STAG1: variants seen among roughly 807,000 people sequenced by gnomAD.
STAG1 encodes cohesin subunit SA-1.
Under a neutral mutation model 170.9 loss-of-function variants are expected in STAG1, and 26 were observed. The ratio of observed to expected loss-of-function variants is 0.15; its 90% CI spans 0.11 to 0.21. STAG1 has a LOEUF of 0.21. Among genes scored for constraint, STAG1 ranks in the 10% least tolerant of loss-of-function variants. The pLI is 1.00. For missense variants in STAG1, 964 were observed against 1,509.5 expected, an observed-to-expected ratio of 0.64 and a Z score of 5.99; for synonymous variants, 514 against 497.7, an observed-to-expected ratio of 1.03 and a Z score of -0.44.
intron 1 of STAG1, among the ~76,000 whole-genome samples, chr3:136,655,983 T>C (rs1941358815): frequency 6.6e-6 from 1 of 152,132 alleles, no homozygotes; most frequent in Non-Finnish European, 1.5e-5. Context: ...CCCATGTTCA[T>C]AGTAACATTA....
intron 13 of STAG1, among the ~76,000 whole-genome samples, chr3:136,462,581 A>G (rs184396617): frequency 1.9e-4 from 29 of 152,330 alleles, no homozygotes; most frequent in African/African-American, 6.0e-4. Flanking sequence ...GTTAGAAGAA[A>G]TAAGTTTTAG....
At chr3:136,462,070 A>C (rs1000765966) in intron 13 of STAG1, among the ~76,000 whole-genome samples, 18 of 152,150 alleles carry the variant, frequency 1.2e-4, no homozygotes, top group Non-Finnish European at 4.4e-5. Context: ...GATGCAGAGA[A>C]AGGTGAATGC....
At chr3:136,707,357 CA>C (rs1212698693) in intron 1 of STAG1, among the ~76,000 whole-genome samples, 3 of 152,070 alleles carry the variant, frequency 2.0e-5, no homozygotes, top group African/African-American at 7.2e-5. Flanking sequence ...ACAAACAATC[CA>C]ATTTACAAAT....
Position 136,574,019 on chromosome 3 carries a change from G to C in STAG1, c.298-5158C>G, listed in dbSNP as rs182137871. Among the ~76,000 whole-genome samples, 406 of 152,040 alleles carry C rather than the reference G, an allele frequency of 2.7e-3. 2 individuals carry two copies. Among genetic ancestry groups the C allele is most frequent in the African/African-American group, 9.4e-3 (390 of 41,468 alleles). ...AGCACTCTGGGAGCCGAGGCAGGCG[G>C]ATCAACAGGGCAGGAGATCGAGACC... is the stretch of plus-strand genomic sequence containing the variant. On this transcript the variant is annotated intron_variant, in intron 4 of 33. Coordinates refer to ENST00000383202, the MANE Select transcript of STAG1 (RefSeq NM_005862.3).
At position 136,458,812 on chromosome 3, in the gene STAG1, C is replaced by T. The variant is rs75931696; in HGVS notation, c.1313+6069G>A. On this transcript the variant is annotated intron_variant, in intron 13 of 33. Transcript: ENST00000383202. ...CTTCATCTATAAAGACACACACAGA[C>T]TGAAAGTGAAGGTATGGAAAAAGAT... is the stretch of plus-strand genomic sequence containing the variant. Among the ~76,000 whole-genome samples the T allele has an allele frequency of 1.4e-4, 22 of 152,036 alleles. No homozygotes were observed. The East Asian group carries it at 4.2e-3, about 29-fold the overall frequency.
At chr3:136,685,586 A>G (rs1559950596) in intron 1 of STAG1, among the ~76,000 whole-genome samples, 1 of 152,258 alleles carries the variant, frequency 6.6e-6, no homozygotes, top group Non-Finnish European at 1.5e-5. Context: ...CGGTAGGTGA[A>G]TAGACAGATA....
intron 6 of STAG1, among the ~76,000 whole-genome samples, chr3:136,522,066 T>C (rs767990414): frequency 6.6e-6 from 1 of 152,172 alleles, no homozygotes; most frequent in Non-Finnish European, 1.5e-5. Context: ...TACAACCCAA[T>C]TGGTTAGAGG....
rs757393709 is a variant in STAG1, at chr3:136,568,813, C to T, written c.346G>A (p.Ala116Thr). 6 of 1,612,324 alleles carry T rather than the reference C, an allele frequency of 3.7e-6. No individual in the cohort carries two copies. The highest frequency in any genetic ancestry group is 5.1e-6 in the Non-Finnish European group (6 of 1,179,448). ...AAAAAGTTGATTAAATCCAGAAGTGCGATGTCCCTGTCTTGTTTATATGAT... is the reference window on the plus strand; with the variant it reads ...AAAAAGTTGATTAAATCCAGAAGTGTGATGTCCCTGTCTTGTTTATATGAT... ...IESYKQDRDI[A>T]LLDLINFFIQ... The change falls in exon 5 of 34, where the codon GCA becomes ACA. Residue 116 changes from alanine (A) to threonine (T), a missense_variant. Physicochemically the swap from Ala to Thr is moderately conservative, Grantham distance 58. Around this residue, in one of 11 missense-constraint regions of STAG1, gnomAD observed 33 missense variants for 86.0 expected, o/e 0.38. Coordinates refer to ENST00000383202, the MANE Select transcript of STAG1 (RefSeq NM_005862.3).
At chr3:136,590,239 C>T (rs1393743810) in intron 4 of STAG1, among the ~76,000 whole-genome samples, 1 of 152,026 alleles carries the variant, frequency 6.6e-6, no homozygotes, top group African/African-American at 2.4e-5. Context: ...AATCTCAGCA[C>T]TTTGGGAGGT....
chr3:136,573,631 TA>T (rs902268421), intron 4 of STAG1, among the ~76,000 whole-genome samples: 1 of 145,504 alleles, frequency 6.9e-6, no homozygotes, highest in Non-Finnish European at 1.5e-5. Flanking sequence ...AAACAAAAAA[TA>T]AAAAAAAAAC....
Position 136,357,705 on chromosome 3 carries a change from T to A in STAG1, c.3065+15A>T, listed in dbSNP as rs1431561669. ...ATTATTATAAAAACCACTTCTCTTG[T>A]AATGTGCAACTTACACTGTCTTTTT... is the stretch of plus-strand genomic sequence containing the variant. On this transcript the variant is annotated intron_variant, in intron 28 of 33. Transcript: ENST00000383202. 2.5e-6 allele frequency: 4 copies of A among 1,572,452 alleles called. No homozygotes were observed. Among genetic ancestry groups the A allele is most frequent in the Non-Finnish European group, 3.4e-6 (4 of 1,168,386 alleles).
chr3:136,714,023 C>G (rs1209396158), intron 1 of STAG1, among the ~76,000 whole-genome samples: 3 of 150,916 alleles, frequency 2.0e-5, no homozygotes, highest in Non-Finnish European at 4.4e-5. Flanking sequence ...GACTCTCTCT[C>G]AAAAAAAACA....
intron 1 of STAG1, among the ~76,000 whole-genome samples, chr3:136,704,848 A>G (rs1430515553): frequency 1.2e-4 from 17 of 143,730 alleles, no homozygotes; most frequent in African/African-American, 4.5e-4. Context: ...AAAAAAAAAG[A>G]TAAAGAAGAA....
chr3:136,343,918 A>G lies in STAG1; in HGVS notation c.3360T>C (p.Thr1120=), dbSNP rs1256121250. Residue 1120 remains threonine (T), a synonymous_variant, in exon 30 of 34, where the codon ACT becomes ACC. Transcript: ENST00000383202. The part of the protein sequence containing the change: ...GPLPAPQLTS[T]VLRENSRPMG... The stretch of plus-strand genomic sequence containing the variant: ...TGGGCCGACTGTTCTCCCGCAGTAC[A>G]GTGGATGTGAGTTGTGGTGCTGGCA... The G allele has an allele frequency of 1.2e-6, 2 of 1,611,794 alleles. No homozygotes were observed. Among genetic ancestry groups the G allele is most frequent in the East Asian group, 4.5e-5 (2 of 44,572 alleles).
At chr3:136,393,031 C>T (rs1158846487) in intron 22 of STAG1, among the ~76,000 whole-genome samples, 2 of 152,026 alleles carry the variant, frequency 1.3e-5, no homozygotes, top group Admixed American at 6.6e-5. Flanking sequence ...TAAATGACTA[C>T]AGAAAGAAAA....
At chr3:136,600,277 T>C (rs1025831467) in intron 4 of STAG1, among the ~76,000 whole-genome samples, 4 of 152,230 alleles carry the variant, frequency 2.6e-5, no homozygotes, top group African/African-American at 7.2e-5. Context: ...GCAGTAGTTA[T>C]TGGCACTTTC....
intron 6 of STAG1, among the ~76,000 whole-genome samples, chr3:136,536,761 C>T (rs192267748): frequency 6.4e-4 from 95 of 148,548 alleles, no homozygotes; most frequent in African/African-American, 2.3e-3. Flanking sequence ...TTGGGTTCAA[C>T]TCCTGGCTTG....
chr3:136,452,332 A>T (rs1011611819), intron 13 of STAG1, among the ~76,000 whole-genome samples, 185 bp from the exon 14 acceptor site: 3 of 152,020 alleles, frequency 2.0e-5, no homozygotes, highest in African/African-American at 7.2e-5. Flanking sequence ...TGGGAGGCCG[A>T]GGCAGGTGGA....
chr3:136,577,366 C>T (rs1937502577), intron 4 of STAG1, among the ~76,000 whole-genome samples: 1 of 152,162 alleles, frequency 6.6e-6, no homozygotes, highest in Admixed American at 6.5e-5. Context: ...CAGTTTAATT[C>T]AGTCTCACCA....
Sources: gnomAD v4.1 joint callset for allele counts (sites outside exome capture counted in the v4.1 genomes callset) on GRCh38, gnomAD v4.1.1 for gene constraint, gnomAD v4.1.1 regional missense constraint, MANE v1.5 for transcripts, NCBI Gene and HGNC (gene_info 2026-07-23, HGNC 2026-07-21) for gene names.